ANO8: variants seen among roughly 807,000 people sequenced by gnomAD.
The protein encoded by ANO8 is anoctamin 8.
In ANO8, 67 loss-of-function variants were observed where a neutral mutation model predicts 120.4. The observed-to-expected ratio is 0.56, with a 90% confidence interval of 0.46 to 0.68. The LOEUF is 0.68. Among genes scored for constraint, ANO8 ranks in the 30% least tolerant of loss-of-function variants. The pLI, the probability that ANO8 is intolerant of heterozygous loss-of-function variation, is 0.00. For missense variants in ANO8, 1,526 were observed against 1,737.6 expected (o/e 0.88, Z 2.16); for synonymous variants, 727 against 759.2 (o/e 0.96, Z 0.70).
chr19:17,332,823 C>T, intron 5 of ANO8, 107 bp downstream of exon 5: 1 of 1,291,966 alleles, frequency 7.7e-7, no homozygotes. Flanking sequence ...CTTTGCCAAC[C>T]CCTGACTGGT....
chr19:17,334,521 C>G (rs1288105602), intron 1 of ANO8, 44 bp downstream of exon 1: 8 of 1,467,984 alleles, frequency 5.4e-6, no homozygotes, highest in Non-Finnish European at 7.3e-6. Context: ...CGCGGGCTCC[C>G]CAGGCACCTG....
rs1011485138 is a variant in ANO8, at chr19:17,330,502, G to A, written c.996C>T (p.Gly332=). The change falls in exon 9 of 18, where the codon GGC becomes GGT. Residue 332 remains glycine, a splice_region_variant and synonymous_variant. Transcript: ENST00000159087. The part of the protein sequence containing the change: ...AVEEPRPQFR[G]VRRISPITRA... ...GCGTGATGGGGCTGATACGTCGCACGCCCTGATGGTGGGCAAAGACCGGGC... is the reference window on the plus strand; with the variant it reads ...GCGTGATGGGGCTGATACGTCGCACACCCTGATGGTGGGCAAAGACCGGGC... The A allele has an allele frequency of 4.0e-6, 6 of 1,510,906 alleles. No individual in the cohort carries two copies. The highest frequency in any genetic ancestry group is 2.1e-5 in the Admixed American group (1 of 46,518). 93.6% of individuals were successfully genotyped at this position (1,510,906 alleles called of 1,614,324 possible).
rs778208620 is a variant in ANO8, at chr19:17,333,009, G to A, written c.507C>T (p.Ile169=). 3 of 1,614,138 alleles carry A rather than the reference G, an allele frequency of 1.9e-6. No homozygotes were observed. The highest frequency in any genetic ancestry group is 1.7e-6 in the Non-Finnish European group (2 of 1,180,044). ...FFTSQERQSI[I]RFWLQNLRAK... ...CACGCAAATTCTGCAGCCAGAAGCG[G>A]ATGATGCTCTGGCGTTCCTGCGAGG... The change falls in exon 5 of 18, where the codon ATC becomes ATT. Residue 169 remains isoleucine, a synonymous_variant. Transcript: ENST00000159087. This position sits in a 1 kb window ranked among gnomAD's most constrained non-coding sequence, Gnocchi z 7.2.
rs1280479735 is a variant in ANO8 at position 17,333,788 on chromosome 19, C to T, written c.119G>A (p.Gly40Glu). The change falls in exon 2 of 18, where the codon GGA (glycine) becomes GAA (glutamate). Residue 40 changes from glycine (G) to glutamate (E), a missense_variant. Gly to Glu is a moderately conservative substitution (Grantham distance 98). Coordinates refer to ENST00000159087, the MANE Select transcript of ANO8 (RefSeq NM_020959.3). This position sits in a 1 kb window ranked among gnomAD's most constrained non-coding sequence, Gnocchi z 7.2. Reference sequence around the variant, plus strand: ...GCGACCAGCCTGCAGGAGCCGCTTTCCGAAAAGCTTATCTAGGGGGCGGCG... The same window carrying T: ...GCGACCAGCCTGCAGGAGCCGCTTTTCGAAAAGCTTATCTAGGGGGCGGCG... ...PASGVLDKLF[G>E]KRLLQAGRYL... 2 of 1,599,438 alleles carry T rather than the reference C, an allele frequency of 1.3e-6. No individual in the cohort carries two copies. Among genetic ancestry groups the T allele is most frequent in the Non-Finnish European group, 1.7e-6 (2 of 1,174,288 alleles).
intron 5 of ANO8, among the ~76,000 whole-genome samples, chr19:17,331,819 G>C (rs537908763): frequency 2.0e-5 from 3 of 151,856 alleles, no homozygotes; most frequent in East Asian, 3.9e-4. Flanking sequence ...TTTTAGTAGA[G>C]ACGGGGTTTC....
At chr19:17,334,204 G>A (rs1305861671) in intron 1 of ANO8, among the ~76,000 whole-genome samples, 2 of 152,204 alleles carry the variant, frequency 1.3e-5, no homozygotes. Flanking sequence ...TAAGTCACGC[G>A]CCCAAGGTCA....
Position 17,327,695 on chromosome 19 carries a change from C to A in ANO8, c.2412G>T (p.Gln804His), listed in dbSNP as rs779978623. The A allele has an allele frequency of 6.2e-7, 1 of 1,612,746 alleles. No homozygotes were observed. Among genetic ancestry groups the A allele is most frequent in the Non-Finnish European group, 8.5e-7 (1 of 1,179,278 alleles). Residue 804 changes from glutamine to histidine, a missense_variant, in exon 14 of 18, where the codon CAG (glutamine) becomes CAT (histidine). By Grantham distance (24) the Gln-to-His change is conservative. Around this residue, in one of 8 missense-constraint regions of ANO8, gnomAD observed 77 missense variants for 131.5 expected, o/e 0.59. Transcript: ENST00000159087. ...PFGQRVESIG[Q>H]WQKVMEAMGV... is the part of the protein sequence containing the mutation. ...TCTCTTGGCTTCCCCCCACCTGCCA[C>A]TGGCCGATGCTTTCCACGCGCTGGC...
At position 17,330,948 on chromosome 19, in the gene ANO8, G is replaced by A. The variant is rs762707281; in HGVS notation, c.873C>T (p.Asn291=). ...DVSCVVFALF[N]VIWSTLFLEE... ...CTAGGAACAGCGTCGACCAGATCACGTTGAAGAGGGCAAAGACCACGCAGG... is the reference window on the plus strand; with the variant it reads ...CTAGGAACAGCGTCGACCAGATCACATTGAAGAGGGCAAAGACCACGCAGG... The change falls in exon 8 of 18, where the codon AAC becomes AAT. Residue 291 remains asparagine, a synonymous_variant. Coordinates refer to ENST00000159087, the MANE Select transcript of ANO8 (RefSeq NM_020959.3). 4 of 1,614,120 alleles carry A rather than the reference G, an allele frequency of 2.5e-6. No homozygotes were observed. Among genetic ancestry groups the A allele is most frequent in the East Asian group, 4.5e-5 (2 of 44,854 alleles).
chr19:17,329,246 GTGCACTGGGC>G lies in ANO8; in HGVS notation c.1405-273_1405-264del, dbSNP rs2074299118. 5 of 439,954 alleles carry G rather than the reference GTGCACTGGGC, an allele frequency of 1.1e-5. No homozygotes were observed. In the South Asian group the frequency reaches 2.0e-4, roughly 17 times the overall value. 27.3% of individuals were successfully genotyped at this position (439,954 alleles called of 1,614,324 possible). On this transcript the variant is annotated intron_variant, in intron 12 of 17. Coordinates refer to ENST00000159087, the MANE Select transcript of ANO8 (RefSeq NM_020959.3). The stretch of plus-strand genomic sequence containing the variant: ...CTCCACCCCACCGCGGGCTCTGTCG[GTGCACTGGGC>G]CGCGTGCGCCCCCAGCCGCCTGCAC...
chr19:17,333,190 C>T lies in ANO8; in HGVS notation c.400G>A (p.Glu134Lys). ...AAGCCGCGGGTGCCCCCGCCAAACT[C>T]GGCCTTCACTGCTTTGCGCAGACCC... Reference protein sequence around the residue: ...ELGLRKAVKAEFGGGTRGFSC... With the variant: ...ELGLRKAVKAKFGGGTRGFSC... Residue 134 changes from glutamate (E) to lysine (K), a missense_variant, in exon 4 of 18, where the codon GAG (glutamate) becomes AAG (lysine). Around this residue, in one of 8 missense-constraint regions of ANO8, gnomAD observed 322 missense variants for 431.8 expected, o/e 0.75. Coordinates refer to ENST00000159087, the MANE Select transcript of ANO8 (RefSeq NM_020959.3). This position sits in a 1 kb window ranked among gnomAD's most constrained non-coding sequence, Gnocchi z 7.2. 3 of 1,610,524 alleles carry T rather than the reference C, an allele frequency of 1.9e-6. No individual in the cohort carries two copies. The highest frequency in any genetic ancestry group is 2.5e-6 in the Non-Finnish European group (3 of 1,178,434).
chr19:17,327,595 C>G (rs1017745198), intron 14 of ANO8, 26 bp from the exon 15 acceptor site: 5 of 1,611,972 alleles, frequency 3.1e-6, no homozygotes, highest in Non-Finnish European at 4.2e-6. Context: ...AGGGCTCAGG[C>G]GGGGTCCAGC....
chr19:17,323,664 G>C lies in ANO8; in HGVS notation c.3552C>G (p.Ala1184=). The change falls in exon 18 of 18, where the codon GCC becomes GCG. Residue 1184 remains alanine, a synonymous_variant. Coordinates refer to ENST00000159087, the MANE Select transcript of ANO8 (RefSeq NM_020959.3). The part of the protein sequence containing the change: ...PPCAMAGPPP[A]PQPLPGDASF... ...TGGCGTCTCCCGGCAGGGGCTGGGG[G>C]GCGGGTGGGGGCCCGGCCATGGCAC... 1.6e-6 allele frequency: 2 copies of C among 1,216,850 alleles called. No individual in the cohort carries two copies. Among genetic ancestry groups the C allele is most frequent in the Non-Finnish European group, 2.0e-6 (2 of 976,434 alleles). 75.4% of individuals were successfully genotyped at this position (1,216,850 alleles called of 1,614,324 possible).
Position 17,330,509 on chromosome 19 carries a change from T to G in ANO8, c.994-5A>C, listed in dbSNP as rs757475975. On this transcript the variant is annotated splice_polypyrimidine_tract_variant and splice_region_variant and intron_variant, in intron 8 of 17. Coordinates refer to ENST00000159087, the MANE Select transcript of ANO8 (RefSeq NM_020959.3). ...GGGGCTGATACGTCGCACGCCCTGA[T>G]GGTGGGCAAAGACCGGGCCCAGCAT... 8 of 1,508,000 alleles carry G rather than the reference T, an allele frequency of 5.3e-6. No homozygotes were observed. The South Asian group carries it at 9.1e-5, about 17-fold the overall frequency. 93.4% of individuals were successfully genotyped at this position (1,508,000 alleles called of 1,614,324 possible).
intron 12 of ANO8, chr19:17,329,226 C>G: frequency 2.2e-6 from 1 of 456,502 alleles, no homozygotes; most frequent in Non-Finnish European, 3.9e-6. Flanking sequence ...CGCGTCTCCA[C>G]CCCACCGCGG....
chr19:17,323,285 TAAAAA>T lies in ANO8; in HGVS notation c.*227_*231del. Reference sequence around the variant, plus strand: ...TTTACAAAAATATGACAAAATAAATTAAAAACAAATAAATAATCGCCTGTTCTGTG... The same window carrying T: ...TTTACAAAAATATGACAAAATAAATTCAAATAAATAATCGCCTGTTCTGTG... On this transcript the variant is annotated 3_prime_UTR_variant, in exon 18 of 18. Coordinates refer to ENST00000159087, the MANE Select transcript of ANO8 (RefSeq NM_020959.3). 3.1e-6 allele frequency: 1 copy of T among 326,740 alleles called. No individual in the cohort carries two copies. The highest frequency in any genetic ancestry group is 5.5e-6 in the Non-Finnish European group (1 of 181,064). 20.2% of individuals were successfully genotyped at this position (326,740 alleles called of 1,614,324 possible).
At position 17,333,532 on chromosome 19, in the gene ANO8, C is replaced by G. The variant is rs200602095; in HGVS notation, c.240G>C (p.Leu80=). Reference sequence around the variant, plus strand: ...CGCGGATGTGGTTCAGCAGCCATAGCAGCGTGTGGTCATCGGTCGTGTCTG... The same window carrying G: ...CGCGGATGTGGTTCAGCAGCCATAGGAGCGTGTGGTCATCGGTCGTGTCTG... ...TFPDTTDDHT[L]LWLLNHIRVG... is the part of the protein sequence containing the mutation. The change falls in exon 3 of 18, where the codon CTG becomes CTC. Residue 80 remains leucine (L), a synonymous_variant. Transcript: ENST00000159087. The surrounding 1 kb of genome is among the most constrained non-coding windows in gnomAD (Gnocchi z 7.2). 1 of 1,612,892 alleles carries G rather than the reference C, an allele frequency of 6.2e-7. No individual in the cohort carries two copies.
In ANO8 at chr19:17,330,917, A is replaced by G; in HGVS notation, c.904T>C (p.Trp302Arg). The change falls in exon 8 of 18, where the codon TGG becomes CGG. Residue 302 changes from tryptophan to arginine, a missense_variant. Trp to Arg is a moderately radical substitution (Grantham distance 101). This residue lies in a region of ANO8 where 322 missense variants were observed against 431.8 expected (regional missense o/e 0.75). Coordinates refer to ENST00000159087, the MANE Select transcript of ANO8 (RefSeq NM_020959.3). Reference protein sequence around the residue: ...VIWSTLFLEEWKRRGAELAYK... With the variant: ...VIWSTLFLEERKRRGAELAYK... ...GCCAGCTCAGCCCCTCTCCGCTTCC[A>G]TTCCTCTAGGAACAGCGTCGACCAG... 1.2e-6 allele frequency: 2 copies of G among 1,614,068 alleles called. No homozygotes were observed. The highest frequency in any genetic ancestry group is 1.7e-6 in the Non-Finnish European group (2 of 1,179,996).
At chr19:17,325,950 T>A (rs1360053160) in intron 16 of ANO8, among the ~76,000 whole-genome samples, 1 of 151,928 alleles carries the variant, frequency 6.6e-6, no homozygotes, top group African/African-American at 2.4e-5. Flanking sequence ...AAAAAAAGCG[T>A]ATTGGGCGCC....
intron 7 of ANO8, 21 bp from the exon 8 acceptor site, chr19:17,331,010 T>C: frequency 6.2e-7 from 1 of 1,613,588 alleles, no homozygotes; most frequent in East Asian, 2.2e-5. Context: ...CAGAGAAGAG[T>C]TGAGTCATTG....
Sources: gnomAD v4.1 joint callset for allele counts (sites outside exome capture counted in the v4.1 genomes callset) on GRCh38, gnomAD v4.1.1 for gene constraint, gnomAD v4.1.1 regional missense constraint, Gnocchi (gnomAD v3.1) non-coding constraint, MANE v1.5 for transcripts, NCBI Gene and HGNC (gene_info 2026-07-23, HGNC 2026-07-21) for gene names.